Variants in ANKRD17 observed in about 807,000 individuals in gnomAD.
The protein encoded by ANKRD17 is ankyrin repeat domain 17.
ANKRD17 carries 19 observed loss-of-function variants against 229.7 expected under a neutral mutation model. The observed-to-expected ratio is 0.08, with a 90% CI of 0.06 to 0.12. ANKRD17 has a LOEUF of 0.12. Ranked by LOEUF, ANKRD17 falls within the 10% of genes least tolerant of loss-of-function variation. The pLI is 1.00. For synonymous variants in ANKRD17, 1,112 were observed against 1,146.1 expected, an observed-to-expected ratio of 0.97 and a Z score of 0.60; for missense variants, 2,176 against 3,176.8, an observed-to-expected ratio of 0.68 and a Z score of 7.57.
intron 1 of ANKRD17, among the ~76,000 whole-genome samples, chr4:73,226,918 A>G (rs1742572639): frequency 6.6e-6 from 1 of 152,060 alleles, no homozygotes; most frequent in African/African-American, 2.4e-5. Flanking sequence ...AGGTCACTGG[A>G]TCACTGAAAT....
intron 13 of ANKRD17, 63 bp from the exon 14 acceptor site, chr4:73,141,906 A>G: frequency 8.3e-7 from 1 of 1,206,328 alleles, no homozygotes; most frequent in South Asian, 1.5e-5. Context: ...AATATGCTCT[A>G]AATAAAGAAT....
At chr4:73,171,743 C>A (rs2148966540) in intron 2 of ANKRD17, among the ~76,000 whole-genome samples, 1 of 152,156 alleles carries the variant, frequency 6.6e-6, no homozygotes, top group Admixed American at 6.5e-5. Flanking sequence ...AATCAAGCAG[C>A]AATATTGGAG....
chr4:73,225,861 C>CAAAAAAAAA (rs375866026), intron 1 of ANKRD17, among the ~76,000 whole-genome samples: 15 of 66,694 alleles, frequency 2.2e-4, no homozygotes, highest in South Asian at 8.8e-4. Context: ...GACTCTGTCT[C>CAAAAAAAAA]AAAAAAAAAA....
In ANKRD17 at chr4:73,139,860, T is replaced by C. The variant is rs112875211; in HGVS notation, c.2756A>G (p.Glu919Gly). 6.2e-7 allele frequency: 1 copy of C among 1,614,078 alleles called. No individual in the cohort carries two copies. Among genetic ancestry groups the C allele is most frequent in the Admixed American group, 1.7e-5 (1 of 59,992 alleles). The change falls in exon 15 of 34, where the codon GAG (glutamate) becomes GGG (glycine). Residue 919 changes from glutamate (E) to glycine (G), a missense_variant. Glu to Gly is a moderately conservative substitution (Grantham distance 98). This residue lies in a region of ANKRD17 where 230 missense variants were observed against 252.3 expected (regional missense o/e 0.91). Transcript: ENST00000358602. ...TGCATAGTCTCCCTCAGAAAGCTGCTCTCCAACTCCAACAGGAGTTAGTAA... is the reference window on the plus strand; with the variant it reads ...TGCATAGTCTCCCTCAGAAAGCTGCCCTCCAACTCCAACAGGAGTTAGTAA... Reference protein sequence around the residue: ...LGLLTPVGVGEQLSEGDYARL... With the variant: ...LGLLTPVGVGGQLSEGDYARL...
intron 23 of ANKRD17, among the ~76,000 whole-genome samples, chr4:73,114,877 G>C (rs1183136309): frequency 5.9e-5 from 9 of 152,114 alleles, no homozygotes; most frequent in South Asian, 2.1e-4. Context: ...GTTTTCAGAG[G>C]CATGTGTTAG....
intron 1 of ANKRD17, among the ~76,000 whole-genome samples, chr4:73,207,691 A>C (rs1424767778): frequency 1.3e-5 from 2 of 152,234 alleles, no homozygotes; most frequent in Non-Finnish European, 2.9e-5. Flanking sequence ...AAATATTTTG[A>C]AACAATAAAA....
At chr4:73,114,098 T>A (rs549223553) in intron 23 of ANKRD17, among the ~76,000 whole-genome samples, 190 bp from the exon 24 acceptor site, 1 of 152,296 alleles carries the variant, frequency 6.6e-6, no homozygotes, top group South Asian at 2.1e-4. Context: ...AAATGAAGAA[T>A]CAAAGAGTAG....
chr4:73,198,260 T>TTGC (rs1738163805), intron 1 of ANKRD17, among the ~76,000 whole-genome samples: 1 of 152,158 alleles, frequency 6.6e-6, no homozygotes, highest in African/African-American at 2.4e-5. Flanking sequence ...GATAAAATAA[T>TTGC]CATCATTTAA....
intron 2 of ANKRD17, among the ~76,000 whole-genome samples, chr4:73,161,605 G>A (rs1732535618): frequency 6.6e-6 from 1 of 152,102 alleles, no homozygotes; most frequent in Non-Finnish European, 1.5e-5. Context: ...GCCTATGATG[G>A]GACAATTAGA....
Position 73,214,556 on chromosome 4 carries a change from T to C in ANKRD17, c.394-37023A>G, listed in dbSNP as rs1045737941. ...ATGGTGGGTAAACCTGCTAGTTTCT[T>C]AACATCGATCAAGGCCATGATACCA... On this transcript the variant is annotated intron_variant, in intron 1 of 33. Coordinates refer to ENST00000358602, the MANE Select transcript of ANKRD17 (RefSeq NM_032217.5). Among the ~76,000 whole-genome samples the C allele has an allele frequency of 5.8e-4, 88 of 152,168 alleles. 1 individual carries two copies. The highest frequency in any genetic ancestry group is 2.0e-3 in the African/African-American group (81 of 41,506).
At chr4:73,082,365 G>A (rs1721663129) in intron 30 of ANKRD17, among the ~76,000 whole-genome samples, 1 of 152,136 alleles carries the variant, frequency 6.6e-6, no homozygotes, top group Admixed American at 6.5e-5. Context: ...GCAAGTGCCT[G>A]TAGTCCCAGC....
intron 30 of ANKRD17, among the ~76,000 whole-genome samples, chr4:73,081,457 C>T (rs1721554688): frequency 6.6e-6 from 1 of 152,074 alleles, no homozygotes; most frequent in South Asian, 2.1e-4. Flanking sequence ...ATGAGAGTCC[C>T]TGGATGGGCC....
chr4:73,076,979 C>T lies in ANKRD17; in HGVS notation c.7713G>A (p.Lys2571=). 1.2e-6 allele frequency: 2 copies of T among 1,613,190 alleles called. No individual in the cohort carries two copies. Among genetic ancestry groups the T allele is most frequent in the Non-Finnish European group, 1.7e-6 (2 of 1,179,598 alleles). The change falls in exon 33 of 34, where the codon AAG becomes AAA. Residue 2571 remains lysine (K), a synonymous_variant. Coordinates refer to ENST00000358602, the MANE Select transcript of ANKRD17 (RefSeq NM_032217.5). ...AADPSWNSLI[K]MVSSSTENNG... ...TATTTTCCGTGGAGCTGGAAACCATCTTTATCAGTGAGTTCCAAGAAGGGT... is the reference window on the plus strand; with the variant it reads ...TATTTTCCGTGGAGCTGGAAACCATTTTTATCAGTGAGTTCCAAGAAGGGT...
chr4:73,093,604 C>A (rs1021458971), intron 28 of ANKRD17, among the ~76,000 whole-genome samples: 1 of 152,044 alleles, frequency 6.6e-6, no homozygotes, highest in Non-Finnish European at 1.5e-5. Context: ...GAACTCCTGA[C>A]CTCAGGTGAT....
At chr4:73,178,312 T>C (rs1030467944) in intron 1 of ANKRD17, among the ~76,000 whole-genome samples, 1 of 152,174 alleles carries the variant, frequency 6.6e-6, no homozygotes, top group Non-Finnish European at 1.5e-5. Context: ...GCAGTTATTT[T>C]TCCTCCAGAC....
chr4:73,169,952 G>A (rs755259431), intron 2 of ANKRD17, among the ~76,000 whole-genome samples: 1 of 152,172 alleles, frequency 6.6e-6, no homozygotes, highest in Non-Finnish European at 1.5e-5. Flanking sequence ...TGTCAACACG[G>A]GCTGCAGTGT....
intron 1 of ANKRD17, among the ~76,000 whole-genome samples, chr4:73,238,579 G>A (rs1000664893): frequency 5.9e-5 from 9 of 152,092 alleles, no homozygotes; most frequent in African/African-American, 2.2e-4. Flanking sequence ...TTTGGAGTAA[G>A]GAGGTCTTCC....
intron 1 of ANKRD17, among the ~76,000 whole-genome samples, chr4:73,256,831 A>G (rs1048818536): frequency 6.6e-6 from 1 of 152,250 alleles, no homozygotes; most frequent in African/African-American, 2.4e-5. Flanking sequence ...TCAGAATCCA[A>G]CAGGCTAAAA....
At chr4:73,133,183 G>A (rs1448392861) in intron 16 of ANKRD17, among the ~76,000 whole-genome samples, 3 of 151,832 alleles carry the variant, frequency 2.0e-5, no homozygotes, top group Admixed American at 6.6e-5. Context: ...CTGGGAGGCG[G>A]AGGCTACAGT....
Sources: gnomAD v4.1 joint callset for allele counts (sites outside exome capture counted in the v4.1 genomes callset) on GRCh38, gnomAD v4.1.1 for gene constraint, gnomAD v4.1.1 regional missense constraint, MANE v1.5 for transcripts, NCBI Gene and HGNC (gene_info 2026-07-23, HGNC 2026-07-21) for gene names.